ERICH2: variants seen among roughly 807,000 people sequenced by gnomAD.
ERICH2 encodes glutamate-rich protein 2.
Under a neutral mutation model 17.4 loss-of-function variants are expected in ERICH2, and 17 were observed. The ratio of observed to expected loss-of-function variants is 0.98; its 90% CI spans 0.67 to 1.47. The LOEUF (loss-of-function observed/expected upper bound fraction) is 1.47. Ranked by LOEUF, ERICH2 falls within the 40% of genes most tolerant of loss-of-function variation. The probability of loss-of-function intolerance (pLI) is 0.00; values close to 1 mark genes in which losing one functional copy is unlikely to be tolerated. For synonymous variants in ERICH2, 51 were observed against 61.1 expected, an observed-to-expected ratio of 0.83 and a Z score of 0.77; for missense variants, 186 against 183.2, an observed-to-expected ratio of 1.01 and a Z score of -0.09.
intron 3 of ERICH2, among the ~76,000 whole-genome samples, chr2:170,796,196 C>A (rs1701409684): frequency 6.6e-6 from 1 of 152,110 alleles, no homozygotes; most frequent in African/African-American, 2.4e-5. Flanking sequence ...TGCTCAGAAA[C>A]CTTATGGGTA....
upstream of ERICH2, chr2:170,779,784 T>C: frequency 1.0e-6 from 1 of 953,216 alleles, no homozygotes. Flanking sequence ...CCCATTTTTA[T>C]ACCTCAAGTA....
At chr2:170,772,689 A>T in the ERICH2 span, among the ~76,000 whole-genome samples, 4 of 152,238 alleles carry the variant, frequency 2.6e-5, no homozygotes, top group Admixed American at 1.3e-4. Context: ...CTATGCCATG[A>T]AATATTGTTC....
the ERICH2 span, among the ~76,000 whole-genome samples, chr2:170,771,667 A>G: frequency 6.6e-6 from 1 of 152,242 alleles, no homozygotes; most frequent in Non-Finnish European, 1.5e-5. This position sits in a 1 kb window ranked among gnomAD's most constrained non-coding sequence, Gnocchi z 4.8. Context: ...TACTAGCTAG[A>G]TATAACTTGC....
chr2:170,782,871 G>A (rs1701062657), upstream of ERICH2, among the ~76,000 whole-genome samples: 6 of 152,112 alleles, frequency 3.9e-5, no homozygotes, highest in South Asian at 4.2e-4. Context: ...AGCCCAGGTC[G>A]AGCCCTAGAG....
intron 3 of ERICH2, among the ~76,000 whole-genome samples, chr2:170,796,435 T>TTTG (rs1559257205): frequency 3.7e-5 from 1 of 26,930 alleles, no homozygotes; most frequent in Non-Finnish European, 8.7e-5. Flanking sequence ...TTTGTTTTTT[T>TTTG]TTTTGTTTTT....
At chr2:170,782,898 G>T (rs1701063379), upstream of ERICH2, among the ~76,000 whole-genome samples, 1 of 152,034 alleles carries the variant, frequency 6.6e-6, no homozygotes, top group African/African-American at 2.4e-5. Context: ...ACCAGACTGG[G>T]CAATATAGCA....
Position 170,798,029 on chromosome 2 carries a change from T to C in ERICH2, c.275-12T>C. 6.5e-7 allele frequency: 1 copy of C among 1,536,050 alleles called. No individual in the cohort carries two copies. The highest frequency in any genetic ancestry group is 8.8e-7 in the Non-Finnish European group (1 of 1,133,916). ...TAATAACACACATTCTGTTGTCCAT[T>C]TTCATTTTCAGTCCTAATCTATGAA... On this transcript the variant is annotated splice_polypyrimidine_tract_variant and intron_variant, in intron 3 of 4. Transcript: ENST00000409885.
In ERICH2 at chr2:170,784,643, T is replaced by G; in HGVS notation, c.29-3T>G. ...TGATTAAATTAGGTATATTCTCTTT[T>G]AGGTGAAGTGAGCAAAGATGCAGTC... is the stretch of plus-strand genomic sequence containing the variant. On this transcript the variant is annotated splice_region_variant and splice_polypyrimidine_tract_variant and intron_variant, in intron 1 of 4. Transcript: ENST00000409885. 4 of 1,487,280 alleles carry G rather than the reference T, an allele frequency of 2.7e-6. No individual in the cohort carries two copies. Among genetic ancestry groups the G allele is most frequent in the Non-Finnish European group, 2.7e-6 (3 of 1,118,282 alleles). The allele number at this position is 1,487,280 out of a possible 1,614,324, so 92.1% of individuals were successfully genotyped here.
At chr2:170,777,028 T>C in the ERICH2 span, 1 of 152,266 alleles carries the variant, frequency 6.6e-6, no homozygotes, top group African/African-American at 2.4e-5. Context: ...TGCTACTAAA[T>C]ACAAAAACAA....
chr2:170,793,089 C>A (rs1468195187), intron 3 of ERICH2, among the ~76,000 whole-genome samples, 169 bp downstream of exon 8: 1 of 152,160 alleles, frequency 6.6e-6, no homozygotes, highest in Non-Finnish European at 1.5e-5. Context: ...TAATTTAGAT[C>A]TCTAGAGTAC....
At chr2:170,797,517 G>T (rs999800252) in intron 3 of ERICH2, among the ~76,000 whole-genome samples, 1 of 152,200 alleles carries the variant, frequency 6.6e-6, no homozygotes, top group South Asian at 2.1e-4. Context: ...TATAATGAGG[G>T]CTGGGTGCAG....
At chr2:170,785,696 A>G (rs995546871) in intron 2 of ERICH2, among the ~76,000 whole-genome samples, 3 of 152,130 alleles carry the variant, frequency 2.0e-5, no homozygotes, top group African/African-American at 7.2e-5. Flanking sequence ...AAGAGACACA[A>G]ATAGAATCTT....
chr2:170,792,761 G>T, intron 2 of ERICH2, 102 bp from the exon 8 acceptor site: 1 of 679,986 alleles, frequency 1.5e-6, no homozygotes, highest in Non-Finnish European at 2.4e-6. Context: ...ACATGTGGAA[G>T]TGTTAAAAGC....
At chr2:170,790,399 G>A (rs1701260540) in intron 2 of ERICH2, among the ~76,000 whole-genome samples, 1 of 152,220 alleles carries the variant, frequency 6.6e-6, no homozygotes. Context: ...GGCCAAGGCA[G>A]GCGGATCACC....
chr2:170,779,483 T>C (rs1700979102), upstream of ERICH2, among the ~76,000 whole-genome samples: 1 of 152,250 alleles, frequency 6.6e-6, no homozygotes, highest in Non-Finnish European at 1.5e-5. Context: ...TTAGAAATCC[T>C]ATGTGGGAAA....
rs1475176556 is a variant in ERICH2, at chr2:170,798,850, G to A, written c.427G>A (p.Glu143Lys). Reference sequence around the variant, plus strand: ...TGAGAGTAAAGGAGAAAGCGATGAGGAGCTGAGTGACGAGAGCTCTGACGA... The same window carrying A: ...TGAGAGTAAAGGAGAAAGCGATGAGAAGCTGAGTGACGAGAGCTCTGACGA... The change falls in exon 5 of 5, where the codon GAG (glutamate) becomes AAG (lysine). Residue 143 changes from glutamate (E) to lysine (K), a missense_variant. Physicochemically the swap from Glu to Lys is moderately conservative, Grantham distance 56. Transcript: ENST00000409885. The A allele has an allele frequency of 5.8e-6, 9 of 1,550,658 alleles. No homozygotes were observed. The Admixed American group carries it at 5.9e-5, about 10-fold the overall frequency.
exon 5 of ERICH2, chr2:170,798,904 C>A: frequency 6.5e-7 from 1 of 1,550,204 alleles, no homozygotes; most frequent in Non-Finnish European, 8.7e-7. Context: ...AGTGTTGCTG[C>A]AATACTTGAA....
upstream of ERICH2, among the ~76,000 whole-genome samples, chr2:170,781,166 C>G (rs1701016531): frequency 6.6e-6 from 1 of 152,098 alleles, no homozygotes; most frequent in African/African-American, 2.4e-5. Flanking sequence ...GGACCACTAA[C>G]TTAACTACTA....
intron 2 of ERICH2, among the ~76,000 whole-genome samples, chr2:170,788,264 C>A (rs2105704004): frequency 6.6e-6 from 1 of 152,266 alleles, no homozygotes; most frequent in Admixed American, 6.5e-5. Context: ...AATTGTAGAG[C>A]ATTCAATGAC....
Sources: gnomAD v4.1 joint callset for allele counts (sites outside exome capture counted in the v4.1 genomes callset) on GRCh38, gnomAD v4.1.1 for gene constraint, Gnocchi (gnomAD v3.1) non-coding constraint, MANE v1.5 for transcripts, NCBI Gene and HGNC (gene_info 2026-07-23, HGNC 2026-07-21) for gene names.